The following TMC1 variants were observed in gnomAD, a reference collection of about 807,000 sequenced individuals.
TMC1 encodes the protein transmembrane channel like 1.
In TMC1, 84 loss-of-function variants were observed where a neutral mutation model predicts 105.8. The ratio of observed to expected loss-of-function variants is 0.79; its 90% CI spans 0.67 to 0.95. TMC1 has a LOEUF of 0.95. Ranked by LOEUF, TMC1 falls within the 40% of genes least tolerant of loss-of-function variation. The pLI is 0.00. For synonymous variants in TMC1, 315 were observed against 311.5 expected (o/e 1.01, Z -0.12); for missense variants, 817 against 914.1 (o/e 0.89, Z 1.37).
chr9:72,617,902 A>G (rs1286096523), intron 3 of TMC1, among the ~76,000 whole-genome samples: 1 of 134,326 alleles, frequency 7.4e-6, no homozygotes, highest in Non-Finnish European at 1.6e-5. Context: ...CAAGAAGTCT[A>G]TGTGTGGTGT....
chr9:72,831,612 G>A lies in TMC1; in HGVS notation c.2260+930G>A, dbSNP rs550380652. On this transcript the variant is annotated intron_variant, in intron 23 of 23. Transcript: ENST00000297784. Reference sequence around the variant, plus strand: ...CTCCCCCCACCGCACGACAGGCCCCGGTATGTGATGTTCCCCTTCCTGTGT... The same window carrying A: ...CTCCCCCCACCGCACGACAGGCCCCAGTATGTGATGTTCCCCTTCCTGTGT... Among the ~76,000 whole-genome samples, 666 of 152,008 alleles carry A rather than the reference G, an allele frequency of 4.4e-3. 4 individuals are homozygous for A. Among genetic ancestry groups the A allele is most frequent in the African/African-American group, 0.015 (630 of 41,454 alleles).
chr9:72,686,491 A>T (rs1276306834), intron 5 of TMC1, among the ~76,000 whole-genome samples: 1 of 152,224 alleles, frequency 6.6e-6, no homozygotes, highest in African/African-American at 2.4e-5. Flanking sequence ...GATATAGGCC[A>T]GTGCTGATAG....
chr9:72,759,240 TG>T (rs1827717151), intron 12 of TMC1, among the ~76,000 whole-genome samples: 1 of 152,120 alleles, frequency 6.6e-6, no homozygotes, highest in Middle Eastern at 3.4e-3. Context: ...GTTACCAGAG[TG>T]AAGAGGCATT....
intron 2 of TMC1, among the ~76,000 whole-genome samples, chr9:72,606,748 C>T (rs1824920605): frequency 1.3e-5 from 2 of 151,924 alleles, no homozygotes; most frequent in Admixed American, 6.6e-5. Flanking sequence ...TAAAAAGCAC[C>T]AGGAGTTAGT....
At chr9:72,535,737 T>G (rs1823571598) in intron 1 of TMC1, among the ~76,000 whole-genome samples, 1 of 152,222 alleles carries the variant, frequency 6.6e-6, no homozygotes, top group South Asian at 2.1e-4. Context: ...GTAAAAGCCT[T>G]AGGCTGCTTC....
At chr9:72,712,841 A>T (rs1229186596) in intron 8 of TMC1, among the ~76,000 whole-genome samples, 1 of 152,072 alleles carries the variant, frequency 6.6e-6, no homozygotes, top group Non-Finnish European at 1.5e-5. Context: ...TCCTTGTCTT[A>T]TGCTGGTTTT....
chr9:72,719,707 A>C (rs1373630), intron 8 of TMC1, among the ~76,000 whole-genome samples: 34,679 of 151,826 alleles, frequency 0.23, 4,290 homozygotes, highest in East Asian at 0.39. Flanking sequence ...TTTAGTCCTG[A>C]CTCCTATCTG....
chr9:72,792,153 G>A, intron 16 of TMC1, 38 bp from the exon 17 acceptor site: 5 of 1,613,932 alleles, frequency 3.1e-6, no homozygotes, highest in Non-Finnish European at 3.4e-6. Context: ...TGAAATCTCT[G>A]TTGTCTTCAT....
Position 72,648,645 on chromosome 9 carries a change from C to A in TMC1, c.-4C>A. On this transcript the variant is annotated 5_prime_UTR_variant, in exon 5 of 24. Coordinates refer to ENST00000297784, the MANE Select transcript of TMC1 (RefSeq NM_138691.3). Reference sequence around the variant, plus strand: ...CTGAGACCTTCTGACAGGACACCCCCAGGATGTCACCCAAAAAAGGTATTT... The same window carrying A: ...CTGAGACCTTCTGACAGGACACCCCAAGGATGTCACCCAAAAAAGGTATTT... 2 of 1,612,908 alleles carry A rather than the reference C, an allele frequency of 1.2e-6. No homozygotes were observed. The highest frequency in any genetic ancestry group is 1.7e-6 in the Non-Finnish European group (2 of 1,178,966).
chr9:72,779,944 C>T (rs968489919), intron 13 of TMC1, among the ~76,000 whole-genome samples: 1 of 152,086 alleles, frequency 6.6e-6, no homozygotes, highest in African/African-American at 2.4e-5. Flanking sequence ...AGATGACCAT[C>T]CCCAAGACAC....
At position 72,759,921 on chromosome 9, in the gene TMC1, A is replaced by G. The variant is rs76813672; in HGVS notation, c.741+5037A>G. 2.4e-4 allele frequency among the ~76,000 whole-genome samples: 36 copies of G among 152,242 alleles called. 1 individual carries two copies. The highest frequency in any genetic ancestry group is 8.7e-4 in the African/African-American group (36 of 41,542). On this transcript the variant is annotated intron_variant, in intron 12 of 23. Transcript: ENST00000297784. The stretch of plus-strand genomic sequence containing the variant: ...CATTCTCACTGACTGCTCCTGGAAC[A>G]TTTACTGACTCTGTTTCATGATATA...
intron 5 of TMC1, among the ~76,000 whole-genome samples, chr9:72,650,936 G>T (rs796944373): frequency 2.4e-5 from 2 of 84,674 alleles, no homozygotes; most frequent in Non-Finnish European, 4.5e-5. Flanking sequence ...ATATATATAG[G>T]TATATATATG....
intron 2 of TMC1, 199 bp downstream of exon 2, chr9:72,578,222 C>T (rs1372236807): frequency 6.6e-6 from 1 of 152,082 alleles, no homozygotes; most frequent in Non-Finnish European, 1.5e-5. Flanking sequence ...ATTATCTTCT[C>T]TTTAATAACT....
chr9:72,742,585 T>C, intron 10 of TMC1, 60 bp downstream of exon 10: 1 of 1,354,098 alleles, frequency 7.4e-7, no homozygotes, highest in Non-Finnish European at 1.1e-6. Context: ...CTCATAAGCT[T>C]ATCAGATGCC....
At chr9:72,588,229 CT>C (rs1243288842) in intron 2 of TMC1, among the ~76,000 whole-genome samples, 1 of 152,170 alleles carries the variant, frequency 6.6e-6, no homozygotes, top group African/African-American at 2.4e-5. Context: ...TGTCACTTTG[CT>C]TACTTACTGC....
intron 3 of TMC1, among the ~76,000 whole-genome samples, chr9:72,620,783 G>A (rs79628217): frequency 3.0e-3 from 457 of 152,234 alleles, no homozygotes; most frequent in African/African-American, 0.01. Flanking sequence ...ATACATTGCC[G>A]TAGTTAGCTA....
chr9:72,656,918 T>C (rs1046175140), intron 5 of TMC1, among the ~76,000 whole-genome samples: 1 of 152,216 alleles, frequency 6.6e-6, no homozygotes, highest in African/African-American at 2.4e-5. Flanking sequence ...AAGGGTCTCA[T>C]GTTCTGTGAG....
chr9:72,766,307 C>T (rs1827836193), intron 12 of TMC1, among the ~76,000 whole-genome samples: 1 of 151,636 alleles, frequency 6.6e-6, no homozygotes, highest in Admixed American at 6.6e-5. Flanking sequence ...GTCCCAGCTA[C>T]TCGGGAGGCT....
intron 4 of TMC1, among the ~76,000 whole-genome samples, chr9:72,639,938 CA>C (rs991273458): frequency 4.1e-4 from 62 of 152,268 alleles, no homozygotes; most frequent in African/African-American, 1.4e-3. Flanking sequence ...TAATTTGCAT[CA>C]CAATAATTTA....
Sources: gnomAD v4.1 joint callset for allele counts (sites outside exome capture counted in the v4.1 genomes callset) on GRCh38, gnomAD v4.1.1 for gene constraint, MANE v1.5 for transcripts, NCBI Gene and HGNC (gene_info 2026-07-23, HGNC 2026-07-21) for gene names.